RBFOX1: variants seen among roughly 807,000 people sequenced by gnomAD.
RBFOX1 encodes RNA binding fox-1 homolog 1.
Under a neutral mutation model 57.7 loss-of-function variants are expected in RBFOX1, and 8 were observed. The ratio of observed to expected loss-of-function variants is 0.14; its 90% CI spans 0.08 to 0.25. RBFOX1 has a LOEUF of 0.25. RBFOX1 is among the 10% of genes least tolerant of loss of function. The pLI is 1.00. For synonymous variants in RBFOX1, 326 were observed against 222.4 expected (o/e 1.47, Z -4.15); for missense variants, 611 against 548.5 (o/e 1.11, Z -1.14).
At chr16:6,792,517 T>C (rs2083167104) in intron 3 of RBFOX1, among the ~76,000 whole-genome samples, 1 of 152,216 alleles carries the variant, frequency 6.6e-6, no homozygotes, top group African/African-American at 2.4e-5. Context: ...CAAATTTTAT[T>C]TCAATTTCAT....
chr16:7,394,986 G>A (rs981031633), intron 4 of RBFOX1, among the ~76,000 whole-genome samples: 9 of 152,274 alleles, frequency 5.9e-5, no homozygotes, highest in South Asian at 2.1e-4. Context: ...GCCTGTGTAC[G>A]TGCTGAGGAA....
intron 14 of RBFOX1, among the ~76,000 whole-genome samples, chr16:7,703,217 G>A (rs556946530): frequency 1.3e-5 from 2 of 152,326 alleles, no homozygotes; most frequent in Admixed American, 1.3e-4. Flanking sequence ...GATAAAGGAG[G>A]CACTGTAGTC....
chr16:6,518,719 G>A (rs141351619), intron 2 of RBFOX1, among the ~76,000 whole-genome samples: 11 of 151,896 alleles, frequency 7.2e-5, no homozygotes, highest in South Asian at 2.1e-4. Context: ...CCGTCCGTCC[G>A]TCCATCCATC....
At chr16:7,037,290 A>C (rs1267132254) in intron 3 of RBFOX1, among the ~76,000 whole-genome samples, 1 of 113,828 alleles carries the variant, frequency 8.8e-6, no homozygotes, top group African/African-American at 3.5e-5. Flanking sequence ...CCCAGGCTGG[A>C]GTGTGCACCG....
Position 5,874,697 on chromosome 16 carries a change from C to G in RBFOX1, c.351+7362C>G, listed in dbSNP as rs1040766298. On this transcript the variant is annotated intron_variant, in intron 4 of 19. Coordinates refer to the RBFOX1 transcript ENST00000641259. The stretch of plus-strand genomic sequence containing the variant: ...AGGTGGTTTATGCCTGTAATCCAAG[C>G]ACTTGGGGAGGCAGAGACAGGAAAA... Among the ~76,000 whole-genome samples the G allele has an allele frequency of 1.3e-5, 2 of 152,124 alleles. 1 individual carries two copies. The highest frequency in any genetic ancestry group is 4.1e-4 in the South Asian group (2 of 4,832).
intron 3 of RBFOX1, among the ~76,000 whole-genome samples, chr16:6,746,854 A>G (rs965764689): frequency 4.6e-5 from 7 of 152,162 alleles, no homozygotes; most frequent in African/African-American, 1.7e-4. Context: ...TATTAAGCAT[A>G]ACAACTCAAA....
At chr16:6,016,937 C>A (rs1335569828), upstream of RBFOX1, among the ~76,000 whole-genome samples, 1 of 152,128 alleles carries the variant, frequency 6.6e-6, no homozygotes, top group Non-Finnish European at 1.5e-5. Context: ...GTAATGGATG[C>A]CTCTCACACT....
intron 3 of RBFOX1, among the ~76,000 whole-genome samples, chr16:5,645,082 A>G (rs1254062053): frequency 1.5e-4 from 1 of 6,506 alleles, no homozygotes; most frequent in Non-Finnish European, 0.011. Flanking sequence ...CTAAAAATAC[A>G]AAAAAAAAAA....
chr16:6,419,822 C>CG (rs928028495), intron 2 of RBFOX1, among the ~76,000 whole-genome samples: 71 of 152,222 alleles, frequency 4.7e-4, no homozygotes, highest in African/African-American at 1.7e-3. Context: ...ACAAGCTGTG[C>CG]GGGGTATAGG....
At chr16:6,142,824 T>C (rs1445035053) in intron 1 of RBFOX1, among the ~76,000 whole-genome samples, 2 of 152,216 alleles carry the variant, frequency 1.3e-5, no homozygotes, top group African/African-American at 4.8e-5. Flanking sequence ...ATCTCCTTTT[T>C]GTTTGTAGAT....
At chr16:6,450,754 CATATATATATGTGT>C in intron 2 of RBFOX1, among the ~76,000 whole-genome samples, 1 of 58,662 alleles carries the variant, frequency 1.7e-5, no homozygotes, top group South Asian at 5.3e-4. Flanking sequence ...TATATATATA[CATATATATATGTGT>C]ATATATATAT....
At chr16:5,738,554 A>C (rs1255026113) in intron 3 of RBFOX1, among the ~76,000 whole-genome samples, 1 of 147,620 alleles carries the variant, frequency 6.8e-6, no homozygotes, top group Non-Finnish European at 1.5e-5. Flanking sequence ...GAATCGCTTG[A>C]ATCTGGGAGG....
intron 3 of RBFOX1, among the ~76,000 whole-genome samples, chr16:6,942,041 C>A (rs139660251): frequency 6.6e-6 from 1 of 152,006 alleles, no homozygotes; most frequent in African/African-American, 2.4e-5. Context: ...GCAGCCTGGC[C>A]AAAATGGTGA....
chr16:6,052,295 C>G (rs1033875105), intron 1 of RBFOX1, among the ~76,000 whole-genome samples: 4 of 152,046 alleles, frequency 2.6e-5, no homozygotes, highest in African/African-American at 9.7e-5. Context: ...CCCTGTATTC[C>G]TCTTCCCCCA....
chr16:7,057,412 T>C (rs143105758), intron 4 of RBFOX1, among the ~76,000 whole-genome samples: 71 of 152,342 alleles, frequency 4.7e-4, no homozygotes, highest in South Asian at 2.9e-3. Flanking sequence ...TTTCTGTTTA[T>C]GGGTCCACTC....
intron 2 of RBFOX1, among the ~76,000 whole-genome samples, chr16:5,547,753 G>A (rs987881714): frequency 6.6e-6 from 1 of 152,182 alleles, no homozygotes; most frequent in Non-Finnish European, 1.5e-5. Flanking sequence ...CAGCAATATG[G>A]ATCCAACTGG....
At chr16:6,781,613 T>C (rs1442354007) in intron 3 of RBFOX1, among the ~76,000 whole-genome samples, 1 of 152,192 alleles carries the variant, frequency 6.6e-6, no homozygotes, top group African/African-American at 2.4e-5. Flanking sequence ...TACTTATTGA[T>C]TTATCCATGT....
intron 3 of RBFOX1, among the ~76,000 whole-genome samples, chr16:6,917,979 C>G (rs113541531): frequency 6.5e-4 from 99 of 152,156 alleles, no homozygotes; most frequent in Non-Finnish European, 1.1e-3. Context: ...GAGCCACTTA[C>G]GAATTTGTTA....
intron 6 of RBFOX1, among the ~76,000 whole-genome samples, chr16:7,583,182 C>T (rs2093909402): frequency 6.9e-6 from 1 of 144,760 alleles, no homozygotes; most frequent in Non-Finnish European, 1.5e-5. Context: ...TGAGATGGAA[C>T]ATTCCTTGGG....
Sources: allele counts gnomAD v4.1 joint callset (sites outside exome capture counted in the v4.1 genomes callset), GRCh38; gene constraint gnomAD v4.1.1; transcripts MANE v1.5; gene names NCBI Gene and HGNC (gene_info 2026-07-23, HGNC 2026-07-21).